DNAJC11: variants seen among roughly 807,000 people sequenced by gnomAD.
DNAJC11 encodes DnaJ heat shock protein family (Hsp40) member C11, also known as dnaJ homolog subfamily C member 11.
Under a neutral mutation model 78.6 loss-of-function variants are expected in DNAJC11, and 15 were observed. The ratio of observed to expected loss-of-function variants is 0.19; its 90% confidence interval spans 0.13 to 0.29. DNAJC11 has a LOEUF of 0.29. Among genes scored for constraint, DNAJC11 ranks in the 10% least tolerant of loss-of-function variants. The probability of loss-of-function intolerance (pLI) is 1.00; values close to 1 mark genes in which losing one functional copy is unlikely to be tolerated. For synonymous variants in DNAJC11, 292 were observed against 272.1 expected (o/e 1.07, Z -0.72); for missense variants, 547 against 709.6 (o/e 0.77, Z 2.60).
intron 7 of DNAJC11, 96 bp from the exon 8 acceptor site, chr1:6,646,074 C>T: frequency 8.0e-7 from 1 of 1,243,050 alleles, no homozygotes; most frequent in South Asian, 1.3e-5. Context: ...CACTTACTGT[C>T]ACGTCTATGC....
At position 6,681,182 on chromosome 1, in the gene DNAJC11, C is replaced by T; in HGVS notation, c.73-145G>A. ...CAGGATGTAATGAAGTTCGGTTTAT[C>T]ACCTCAACAAGGCTTCTTTTTGCCA... is the stretch of plus-strand genomic sequence containing the variant. On this transcript the variant is annotated intron_variant, in intron 1 of 15. Transcript: ENST00000377577. 4 of 793,140 alleles carry T rather than the reference C, an allele frequency of 5.0e-6. No homozygotes were observed. In the South Asian group the frequency reaches 5.8e-5, roughly 11 times the overall value. 49.1% of individuals were successfully genotyped at this position (793,140 alleles called of 1,614,324 possible).
intron 4 of DNAJC11, among the ~76,000 whole-genome samples, chr1:6,663,717 C>T (rs1224185295): frequency 6.6e-6 from 1 of 152,154 alleles, no homozygotes; most frequent in East Asian, 1.9e-4. Flanking sequence ...GCCCTAAAGA[C>T]ACTGGGACCC....
In DNAJC11 at chr1:6,635,593, G is replaced by A; in HGVS notation, c.*82C>T. The A allele has an allele frequency of 3.5e-6, 5 of 1,412,832 alleles. No homozygotes were observed. Among genetic ancestry groups the A allele is most frequent in the Non-Finnish European group, 3.0e-6 (3 of 1,008,824 alleles). The allele number at this position is 1,412,832 out of a possible 1,614,324, so 87.5% of individuals were successfully genotyped here. On this transcript the variant is annotated 3_prime_UTR_variant, in exon 16 of 16. Transcript: ENST00000377577. ...ATAATATAAAATAAAAACATCTGAT[G>A]TCTGGGTTTTTTCATTTCCAAATTT...
At position 6,635,340 on chromosome 1, in the gene DNAJC11, C is replaced by G; in HGVS notation, c.*335G>C. 1 of 253,566 alleles carries G rather than the reference C, an allele frequency of 3.9e-6. No homozygotes were observed. The highest frequency in any genetic ancestry group is 6.2e-5 in the South Asian group (1 of 16,004). 15.7% of individuals were successfully genotyped at this position (253,566 alleles called of 1,614,324 possible). A position where few individuals can be genotyped will look rare whatever the true frequency, so the allele number is the denominator to read the frequency against. ...GCTCCACAGACACCTCCAGACCCAG[C>G]CAAGAACTACAGGGCGGCGGGCTGC... On this transcript the variant is annotated 3_prime_UTR_variant, in exon 16 of 16. Transcript: ENST00000377577.
chr1:6,679,809 C>T (rs1324166376), intron 2 of DNAJC11, among the ~76,000 whole-genome samples: 1 of 152,184 alleles, frequency 6.6e-6, no homozygotes, highest in Non-Finnish European at 1.5e-5. Flanking sequence ...ACAATACAAG[C>T]AAACTATGTG....
rs746745536 is a variant in DNAJC11 at position 6,644,630 on chromosome 1, T to C, written c.1025A>G (p.Lys342Arg). ...ACCCAAAACGCTGTGCCTGGAGATC[T>C]TCCTCTCAGCTCCGTACTCCACCAC... ...GTVVEYGAER[K>R]ISRHSVLGAA... Residue 342 changes from lysine (K) to arginine (R), a missense_variant, in exon 10 of 16, where the codon AAG becomes AGG. Coordinates refer to ENST00000377577, the MANE Select transcript of DNAJC11 (RefSeq NM_018198.4). 6.2e-7 allele frequency: 1 copy of C among 1,614,176 alleles called. No homozygotes were observed. Among genetic ancestry groups the C allele is most frequent in the Non-Finnish European group, 8.5e-7 (1 of 1,180,020 alleles).
Position 6,634,986 on chromosome 1 carries a change from GC to G in DNAJC11, c.*688del. On this transcript the variant is annotated 3_prime_UTR_variant, in exon 16 of 16. Coordinates refer to ENST00000377577, the MANE Select transcript of DNAJC11 (RefSeq NM_018198.4). ...GCGTTTTCCCACCGGGATACGGGAA[GC>G]CACCTGTGTCAGGGCTAGGCCCTGG... The G allele has an allele frequency of 1.4e-6, 1 of 729,160 alleles. No homozygotes were observed. The highest frequency in any genetic ancestry group is 1.9e-6 in the Non-Finnish European group (1 of 531,732). 45.2% of individuals were successfully genotyped at this position (729,160 alleles called of 1,614,324 possible).
intron 1 of DNAJC11, among the ~76,000 whole-genome samples, chr1:6,693,101 C>T (rs1434777700): frequency 6.8e-6 from 1 of 147,526 alleles, no homozygotes; most frequent in Non-Finnish European, 1.5e-5. Context: ...TTAGTACAGA[C>T]AGGGTTTCGC....
intron 11 of DNAJC11, among the ~76,000 whole-genome samples, chr1:6,639,262 C>T (rs1641836202): frequency 1.3e-5 from 2 of 151,986 alleles, no homozygotes; most frequent in African/African-American, 4.8e-5. Flanking sequence ...TCCTCTTAAA[C>T]TCAGCGCTGG....
intron 7 of DNAJC11, among the ~76,000 whole-genome samples, chr1:6,649,185 CT>C (rs879310876): frequency 1.3e-3 from 189 of 144,560 alleles, no homozygotes; most frequent in Non-Finnish European, 1.1e-3. Context: ...GGAAGCACTG[CT>C]TTTTTTTTTT....
At chr1:6,670,297 A>G (rs1334428848) in intron 3 of DNAJC11, among the ~76,000 whole-genome samples, 1 of 151,918 alleles carries the variant, frequency 6.6e-6, no homozygotes, top group Non-Finnish European at 1.5e-5. Context: ...CCTTACCCAT[A>G]TTCCCTCTTC....
chr1:6,638,296 G>A lies in DNAJC11; in HGVS notation c.1322C>T (p.Ala441Val). 6.2e-7 allele frequency: 1 copy of A among 1,612,900 alleles called. No individual in the cohort carries two copies. The highest frequency in any genetic ancestry group is 8.5e-7 in the Non-Finnish European group (1 of 1,179,196). Residue 441 changes from alanine (A) to valine (V), a missense_variant and splice_region_variant, in exon 12 of 16, where the codon GCT becomes GTT. Coordinates refer to ENST00000377577, the MANE Select transcript of DNAJC11 (RefSeq NM_018198.4). ...VLQKKQEAES[A>V]VRLMQESVRR... ...TGGGAACGGTGGGGCAGCACTCACA[G>A]CGGACTCCGCCTCTTGCTTCTTCTG...
At chr1:6,641,691 A>G (rs999228619) in intron 10 of DNAJC11, among the ~76,000 whole-genome samples, 2 of 152,000 alleles carry the variant, frequency 1.3e-5, no homozygotes, top group Non-Finnish European at 2.9e-5. Flanking sequence ...GCCTTCAAAT[A>G]TTATCTGAGG....
Position 6,634,279 on chromosome 1 carries a change from C to T in DNAJC11, c.*1396G>A. ...CCTGCGGCAGAGGCGCACGGGAAGC[C>T]CGGGGCCCAGGCTCATGCAACACGA... On this transcript the variant is annotated 3_prime_UTR_variant, in exon 16 of 16. Coordinates refer to ENST00000377577, the MANE Select transcript of DNAJC11 (RefSeq NM_018198.4). 1 of 877,998 alleles carries T rather than the reference C, an allele frequency of 1.1e-6. No homozygotes were observed. Among genetic ancestry groups the T allele is most frequent in the Non-Finnish European group, 1.7e-6 (1 of 589,974 alleles). 54.4% of individuals were successfully genotyped at this position (877,998 alleles called of 1,614,324 possible). A position where few individuals can be genotyped will look rare whatever the true frequency, so the allele number is the denominator to read the frequency against.
intron 1 of DNAJC11, among the ~76,000 whole-genome samples, chr1:6,690,837 T>C (rs1047109573): frequency 6.6e-6 from 1 of 152,156 alleles, no homozygotes; most frequent in African/African-American, 2.4e-5. Flanking sequence ...GGCAGGAGAA[T>C]GGTGCAAACA....
chr1:6,681,258 G>C (rs1642547282), intron 1 of DNAJC11, among the ~76,000 whole-genome samples: 1 of 152,160 alleles, frequency 6.6e-6, no homozygotes, highest in Non-Finnish European at 1.5e-5. Flanking sequence ...GTTTTGCTGG[G>C]AAGTGCTGCT....
intron 1 of DNAJC11, among the ~76,000 whole-genome samples, chr1:6,695,462 T>C (rs1270110386): frequency 6.6e-6 from 1 of 151,850 alleles, no homozygotes; most frequent in African/African-American, 2.4e-5. Context: ...AGTAAGTGCT[T>C]AAGCCATTAT....
chr1:6,683,178 C>A (rs1385094973), intron 1 of DNAJC11, among the ~76,000 whole-genome samples: 3 of 152,186 alleles, frequency 2.0e-5, no homozygotes, highest in Non-Finnish European at 2.9e-5. Flanking sequence ...TCAGGGACGG[C>A]ACTGCCAAAC....
intron 2 of DNAJC11, 148 bp from the exon 3 acceptor site, chr1:6,678,615 C>T (rs1270053735): frequency 3.0e-6 from 2 of 668,742 alleles, no homozygotes; most frequent in East Asian, 2.7e-5. Context: ...TTCTACACAT[C>T]TTTCCTCCCA....
Sources: gnomAD v4.1 joint callset for allele counts (sites outside exome capture counted in the v4.1 genomes callset) on GRCh38, gnomAD v4.1.1 for gene constraint, MANE v1.5 for transcripts, NCBI Gene and HGNC (gene_info 2026-07-23, HGNC 2026-07-21) for gene names.